PTBP3: variants seen among roughly 807,000 people sequenced by gnomAD.
The protein encoded by PTBP3 is polypyrimidine tract-binding protein 3.
Under a neutral mutation model 58.7 loss-of-function variants are expected in PTBP3, and 20 were observed. That is an observed-to-expected ratio of 0.34 (90% confidence interval 0.24 to 0.50). The LOEUF (loss-of-function observed/expected upper bound fraction) is 0.50. Ranked by LOEUF, PTBP3 falls within the 20% of genes least tolerant of loss-of-function variation. PTBP3 has a pLI of 0.98. For synonymous variants in PTBP3, 185 were observed against 219.8 expected (o/e 0.84, Z 1.40); for missense variants, 509 against 637.2 (o/e 0.80, Z 2.17).
chr9:112,239,299 A>C (rs771178547), intron 7 of PTBP3, among the ~76,000 whole-genome samples: 3 of 152,234 alleles, frequency 2.0e-5, no homozygotes, highest in Admixed American at 6.5e-5. Flanking sequence ...TTCCAGAATT[A>C]GGAAATATTA....
chr9:112,236,148 A>G (rs1254825858), intron 7 of PTBP3, among the ~76,000 whole-genome samples: 2 of 151,932 alleles, frequency 1.3e-5, no homozygotes, highest in African/African-American at 4.8e-5. Flanking sequence ...CATTAAAAAG[A>G]ATTATTTAAT....
rs750961801 is a variant in PTBP3 at position 112,227,440 on chromosome 9, T to C, written c.1335A>G (p.Pro445=). 25 of 1,613,818 alleles carry C rather than the reference T, an allele frequency of 1.5e-5. No homozygotes were observed. The South Asian group carries it at 2.5e-4, about 16-fold the overall frequency. The part of the protein sequence containing the change: ...GSKNFQNIFP[P]SATLHLSNIP... ...TGTTGGAAAGATGCAGAGTGGCTGA[T>C]GGTGGAAAGATATTCTGGAAGTTTT... The change falls in exon 12 of 14, where the codon CCA becomes CCG. Residue 445 remains proline (P), a synonymous_variant. Transcript: ENST00000374257.
the PTBP3 span, among the ~76,000 whole-genome samples, chr9:112,342,703 G>A: frequency 1.7e-5 from 2 of 114,796 alleles, no homozygotes; most frequent in South Asian, 3.3e-4. Flanking sequence ...GCGACAGAGC[G>A]AGACTCCGTC....
chr9:112,337,320 G>A (rs530427844), upstream of PTBP3, among the ~76,000 whole-genome samples: 9 of 152,158 alleles, frequency 5.9e-5, no homozygotes, highest in Admixed American at 4.6e-4. Flanking sequence ...GTGAGCCACC[G>A]TGCCTGGCCA....
the PTBP3 span, among the ~76,000 whole-genome samples, chr9:112,355,864 G>A: frequency 2.0e-5 from 3 of 151,946 alleles, no homozygotes; most frequent in African/African-American, 7.2e-5. Flanking sequence ...CCATCTATCC[G>A]GCTTGGGCTC....
At chr9:112,262,049 T>C (rs1171446241) in intron 5 of PTBP3, among the ~76,000 whole-genome samples, 3 of 152,196 alleles carry the variant, frequency 2.0e-5, no homozygotes, top group Admixed American at 1.3e-4. Context: ...TATTGAACAC[T>C]TTCCCTTTAG....
Position 112,325,190 on chromosome 9 carries a change from GAAC to G in PTBP3, c.-52+8277_-52+8279del, listed in dbSNP as rs202030050. Among the ~76,000 whole-genome samples, 1,123 of 152,344 alleles carry G rather than the reference GAAC, an allele frequency of 7.4e-3. 46 individuals are homozygous for G. Among genetic ancestry groups the G allele is most frequent in the Admixed American group, 0.061 (933 of 15,294 alleles). ...AGGCAAAGAGGGAAGGGTCCCCGGA[GAAC>G]CTTCGACCTGCCCAGGTCATCATGC... On this transcript the variant is annotated intron_variant, in intron 1 of 13. Transcript: ENST00000374257.
intron 8 of PTBP3, among the ~76,000 whole-genome samples, chr9:112,233,962 A>C (rs10116637): frequency 0.021 from 3,140 of 151,770 alleles, 111 homozygotes; most frequent in African/African-American, 0.072. Flanking sequence ...AGAGAGAGAG[A>C]GTAGTTAAAA....
chr9:112,221,429 T>G lies in PTBP3; in HGVS notation c.*2422A>C, dbSNP rs1000421908. On this transcript the variant is annotated 3_prime_UTR_variant, in exon 14 of 14. Transcript: ENST00000374257. ...GTTATTAGCAACTTTGCTACACTTA[T>G]GCTGAATGTTATGAGAATCATGAAT... 2.0e-5 allele frequency: 20 copies of G among 985,632 alleles called. No homozygotes were observed. In the African/African-American group the frequency reaches 3.3e-4, roughly 16 times the overall value. 61.1% of individuals were successfully genotyped at this position (985,632 alleles called of 1,614,324 possible). A position where few individuals can be genotyped will look rare whatever the true frequency, so the allele number is the denominator to read the frequency against.
chr9:112,278,642 G>A (rs1288705232), intron 2 of PTBP3, among the ~76,000 whole-genome samples: 5 of 152,150 alleles, frequency 3.3e-5, no homozygotes, highest in Admixed American at 2.0e-4. Flanking sequence ...CAAGAAATGT[G>A]CAATTATAAA....
chr9:112,251,914 A>G (rs1014406430), intron 6 of PTBP3, among the ~76,000 whole-genome samples: 10 of 152,198 alleles, frequency 6.6e-5, no homozygotes, highest in African/African-American at 2.4e-4. Flanking sequence ...TATACTCCCA[A>G]TTGAGTGCCA....
intron 2 of PTBP3, among the ~76,000 whole-genome samples, chr9:112,295,297 G>A (rs902655801): frequency 6.6e-6 from 1 of 150,728 alleles, no homozygotes; most frequent in African/African-American, 2.4e-5. Flanking sequence ...AAGTCTAAAT[G>A]TAGGAATTCC....
the PTBP3 span, among the ~76,000 whole-genome samples, chr9:112,349,135 G>A: frequency 6.6e-6 from 1 of 152,074 alleles, no homozygotes; most frequent in Non-Finnish European, 1.5e-5. Flanking sequence ...AGATCCTCTA[G>A]GTAGCCTCAG....
intron 7 of PTBP3, among the ~76,000 whole-genome samples, chr9:112,250,305 T>C (rs1018354812): frequency 6.6e-6 from 1 of 152,106 alleles, no homozygotes; most frequent in Non-Finnish European, 1.5e-5. Context: ...ACTAACCTAA[T>C]AAGATATTCA....
At chr9:112,269,791 G>T (rs1239946531) in intron 3 of PTBP3, among the ~76,000 whole-genome samples, 5 of 152,028 alleles carry the variant, frequency 3.3e-5, no homozygotes, top group Admixed American at 2.6e-4. Context: ...CAATACTCTG[G>T]TTTTTCTTCA....
Position 112,221,397 on chromosome 9 carries a change from C to T in PTBP3, c.*2454G>A. The T allele has an allele frequency of 4.1e-6, 4 of 985,764 alleles. No individual in the cohort carries two copies. Among genetic ancestry groups the T allele is most frequent in the Non-Finnish European group, 4.8e-6 (4 of 829,904 alleles). 61.1% of individuals were successfully genotyped at this position (985,764 alleles called of 1,614,324 possible). On this transcript the variant is annotated 3_prime_UTR_variant, in exon 14 of 14. Transcript: ENST00000374257. ...AGTTACATTCAACACCACTATGATC[C>T]CCTTCCGTTATTAGCAACTTTGCTA...
chr9:112,297,937 T>C (rs977381364), intron 1 of PTBP3, 21 bp from the exon 2 acceptor site: 4 of 1,589,956 alleles, frequency 2.5e-6, no homozygotes, highest in Non-Finnish European at 3.4e-6. Context: ...AAACCAATGT[T>C]TGGTTAATAA....
chr9:112,275,773 A>G (rs2132202138), intron 3 of PTBP3, 71 bp downstream of exon 3: 1 of 1,339,738 alleles, frequency 7.5e-7, no homozygotes, highest in East Asian at 2.4e-5. Context: ...AAAGCTCAAG[A>G]AAATAAAAAT....
intron 3 of PTBP3, among the ~76,000 whole-genome samples, chr9:112,272,076 TTTA>T (rs1210149417): frequency 6.7e-6 from 1 of 149,266 alleles, no homozygotes; most frequent in Non-Finnish European, 1.5e-5. Flanking sequence ...CTTTTTATTT[TTTA>T]TTTTTTTTTT....
Sources: allele counts gnomAD v4.1 joint callset (sites outside exome capture counted in the v4.1 genomes callset), GRCh38; gene constraint gnomAD v4.1.1; transcripts MANE v1.5; gene names NCBI Gene and HGNC (gene_info 2026-07-23, HGNC 2026-07-21).